Variants in TRMT1 observed in about 807,000 individuals in gnomAD.
TRMT1 encodes the protein tRNA (guanine(26)-N(2))-dimethyltransferase.
Under a neutral mutation model 75.4 loss-of-function variants are expected in TRMT1, and 63 were observed. The observed-to-expected ratio is 0.84, with a 90% CI of 0.68 to 1.03. The LOEUF (loss-of-function observed/expected upper bound fraction) is 1.03. Ranked by LOEUF, TRMT1 falls within the 50% of genes least tolerant of loss-of-function variation. TRMT1 has a pLI of 0.00. For missense variants in TRMT1, 870 were observed against 905.3 expected (o/e 0.96, Z 0.50); for synonymous variants, 382 against 358.1 (o/e 1.07, Z -0.75).
chr19:13,110,486 T>A (rs1298620488), intron 7 of TRMT1, among the ~76,000 whole-genome samples, 180 bp from the exon 8 acceptor site: 1 of 152,232 alleles, frequency 6.6e-6, no homozygotes, highest in Non-Finnish European at 1.5e-5. Flanking sequence ...CCTCAGTTTC[T>A]TCATCTGCAA....
chr19:13,107,856 C>G lies in TRMT1; in HGVS notation c.1401G>C (p.Ser467=). ...CNTPSLLQLR[S]ALLHADFRVS... ...CCCGGAAGTCAGCGTGGAGGAGGGC[C>G]GACCTGGGGAACAGCAGGGATTATG... The change falls in exon 13 of 17, where the codon TCG becomes TCC. Residue 467 remains serine, a synonymous_variant. Coordinates refer to ENST00000357720, the MANE Select transcript of TRMT1 (RefSeq NM_001136035.4). 6.4e-7 allele frequency: 1 copy of G among 1,551,472 alleles called. No individual in the cohort carries two copies. The highest frequency in any genetic ancestry group is 8.7e-7 in the Non-Finnish European group (1 of 1,146,828).
In TRMT1 at chr19:13,107,758, C is replaced by G. The variant is rs755967021; in HGVS notation, c.1499G>C (p.Arg500Pro). The change falls in exon 13 of 17, where the codon CGT becomes CCT. Residue 500 changes from arginine (R) to proline (P), a missense_variant. Coordinates refer to ENST00000357720, the MANE Select transcript of TRMT1 (RefSeq NM_001136035.4). ...APASALWDIM[R>P]CWEKECPVKR... ...GGTCAGCCCTGCCCTCACCCAGCAACGCATGATGTCCCAGAGGGCAGAGGC... is the reference window on the plus strand; with the variant it reads ...GGTCAGCCCTGCCCTCACCCAGCAAGGCATGATGTCCCAGAGGGCAGAGGC... 1 of 1,554,118 alleles carries G rather than the reference C, an allele frequency of 6.4e-7. No homozygotes were observed. The highest frequency in any genetic ancestry group is 2.4e-5 in the East Asian group (1 of 41,086).
At position 13,105,402 on chromosome 19, in the gene TRMT1, C is replaced by G; in HGVS notation, c.1704-6G>C. The G allele has an allele frequency of 6.2e-7, 1 of 1,613,528 alleles. No individual in the cohort carries two copies. Among genetic ancestry groups the G allele is most frequent in the African/African-American group, 1.3e-5 (1 of 75,050 alleles). On this transcript the variant is annotated splice_region_variant and splice_polypyrimidine_tract_variant and intron_variant, in intron 15 of 16. Coordinates refer to ENST00000357720, the MANE Select transcript of TRMT1 (RefSeq NM_001136035.4). ...CTTCGTCGGCCGCCTTGCCCCTGTG[C>G]GAGGGGAGGAGTAGGTGGGACCCCA...
At position 13,110,320 on chromosome 19, in the gene TRMT1, G is replaced by A; in HGVS notation, c.871-14C>T. The A allele has an allele frequency of 1.5e-5, 11 of 712,026 alleles. No individual in the cohort carries two copies. The highest frequency in any genetic ancestry group is 2.2e-5 in the Non-Finnish European group (9 of 404,966). 44.1% of individuals were successfully genotyped at this position (712,026 alleles called of 1,614,324 possible). On this transcript the variant is annotated splice_polypyrimidine_tract_variant and intron_variant, in intron 7 of 16. Transcript: ENST00000357720. ...GATTCTCAGGGCCTGGGGGTGGGGG[G>A]TGGGTGTCAGCCTCCCCTCCACTAT...
rs772910189 is a variant in TRMT1 at position 13,109,396 on chromosome 19, C to T, written c.1382G>A (p.Ser461Asn). The change falls in exon 12 of 17, where the codon AGC (serine) becomes AAC (asparagine). Residue 461 changes from serine to asparagine, a missense_variant. Coordinates refer to ENST00000357720, the MANE Select transcript of TRMT1 (RefSeq NM_001136035.4). ...GGGCTCTTACCGCAACTGCAGGAGG[C>T]TTGGTGTGTTGCAGTGGATGGTGCT... Reference protein sequence around the residue: ...LSSTIHCNTPSLLQLRSALLH... With the variant: ...LSSTIHCNTPNLLQLRSALLH... The T allele has an allele frequency of 8.1e-6, 13 of 1,612,738 alleles. No individual in the cohort carries two copies. The East Asian group carries it at 2.7e-4, about 33-fold the overall frequency.
intron 5 of TRMT1, 43 bp from the exon 6 acceptor site, chr19:13,113,054 T>C: frequency 1.3e-6 from 2 of 1,504,502 alleles, no homozygotes; most frequent in Non-Finnish European, 1.8e-6. Context: ...CCACGCCAGG[T>C]ACCTTCTCTG....
At chr19:13,113,429 G>T (rs543349237) in intron 5 of TRMT1, among the ~76,000 whole-genome samples, 1 of 152,006 alleles carries the variant, frequency 6.6e-6, no homozygotes, top group Non-Finnish European at 1.5e-5. Context: ...CTCCCAAAGT[G>T]CTGAGATTAC....
In TRMT1 at chr19:13,107,791, T is replaced by C. The variant is rs779187694; in HGVS notation, c.1466A>G (p.Asp489Gly). The C allele has an allele frequency of 3.2e-6, 5 of 1,552,586 alleles. No individual in the cohort carries two copies. In the East Asian group the frequency reaches 9.8e-5, roughly 30 times the overall value. Residue 489 changes from aspartate to glycine, a missense_variant, in exon 13 of 17, where the codon GAT becomes GGT. Transcript: ENST00000357720. ...SHACKNAVKT[D>G]APASALWDIM... ...GTCCCAGAGGGCAGAGGCAGGGGCA[T>C]CCGTCTTCACAGCGTTCTTACAGGC...
rs759329844 is a variant in TRMT1 at position 13,109,539 on chromosome 19, C to T, written c.1311+11G>A. 1 of 1,613,906 alleles carries T rather than the reference C, an allele frequency of 6.2e-7. No homozygotes were observed. The highest frequency in any genetic ancestry group is 1.1e-5 in the South Asian group (1 of 91,066). On this transcript the variant is annotated intron_variant, in intron 11 of 16. Coordinates refer to ENST00000357720, the MANE Select transcript of TRMT1 (RefSeq NM_001136035.4). Reference sequence around the variant, plus strand: ...GTGGAGCCCCCTTCCCCGTCACAGCCCGGCTCTCACCTCAGTGATGACGCT... The same window carrying T: ...GTGGAGCCCCCTTCCCCGTCACAGCTCGGCTCTCACCTCAGTGATGACGCT...
Position 13,110,179 on chromosome 19 carries a change from G to A in TRMT1, c.998C>T (p.Ala333Val). Residue 333 changes from alanine (A) to valine (V), a missense_variant, in exon 8 of 17, where the codon GCC becomes GTC. Transcript: ENST00000357720. ...RVFVRVFTGQ[A>V]KVKASASKQA... ...TGACCTGGCTGAGGCCTTGACCTTG[G>A]CCTGGCCGGTGAAGACACGGACAAA... 1.2e-6 allele frequency: 2 copies of A among 1,612,350 alleles called. No homozygotes were observed. The highest frequency in any genetic ancestry group is 1.7e-6 in the Non-Finnish European group (2 of 1,180,018).
intron 14 of TRMT1, 48 bp from the exon 15 acceptor site, chr19:13,105,654 GAGTGT>G (rs1599921467): frequency 6.4e-7 from 1 of 1,558,050 alleles, no homozygotes. Context: ...GCTGCCACAC[GAGTGT>G]GTCCCCACTC....
intron 14 of TRMT1, among the ~76,000 whole-genome samples, chr19:13,107,278 G>C (rs900148924): frequency 3.3e-5 from 5 of 152,016 alleles, no homozygotes; most frequent in African/African-American, 1.2e-4. Context: ...GGGATTACAG[G>C]CACCCACCAC....
chr19:13,115,937 C>G, intron 3 of TRMT1, 60 bp downstream of exon 3: 1 of 1,613,106 alleles, frequency 6.2e-7, no homozygotes, highest in Non-Finnish European at 8.5e-7. Flanking sequence ...GCAGAAGAGC[C>G]CAGGCAGGGA....
chr19:13,109,992 C>T lies in TRMT1; in HGVS notation c.1029G>A (p.Ala343=), dbSNP rs1250472488. Residue 343 remains alanine (A), a synonymous_variant, in exon 9 of 17, where the codon GCG becomes GCA. Coordinates refer to ENST00000357720, the MANE Select transcript of TRMT1 (RefSeq NM_001136035.4). ...CGCAGCCCACACACTGGAACACCAG[C>T]GCCTGCTTGCTGTGGGGGGTACCAG... The part of the protein sequence containing the change: ...AKVKASASKQ[A]LVFQCVGCGA... The T allele has an allele frequency of 4.3e-6, 7 of 1,613,222 alleles. No homozygotes were observed. Among genetic ancestry groups the T allele is most frequent in the South Asian group, 2.2e-5 (2 of 91,080 alleles).
intron 2 of TRMT1, 33 bp from the exon 3 acceptor site, chr19:13,116,085 G>C: frequency 6.2e-7 from 1 of 1,612,640 alleles, no homozygotes; most frequent in South Asian, 1.1e-5. Flanking sequence ...CTCATACCCC[G>C]CCCCCGCCAT....
At chr19:13,115,513 T>A in intron 4 of TRMT1, 47 bp from the exon 5 acceptor site, 2 of 1,599,074 alleles carry the variant, frequency 1.3e-6, no homozygotes, top group Non-Finnish European at 1.7e-6. Context: ...ACCTCCATCC[T>A]CTTCTGGGCC....
intron 5 of TRMT1, among the ~76,000 whole-genome samples, chr19:13,114,572 G>T: frequency 6.6e-6 from 1 of 152,208 alleles, no homozygotes; most frequent in East Asian, 1.9e-4. Context: ...TAAGGCAGGA[G>T]AATCACTTGA....
chr19:13,107,645 C>T lies in TRMT1; in HGVS notation c.1512G>A (p.Lys504=). Residue 504 remains lysine (K), a synonymous_variant, in exon 14 of 17, where the codon AAG becomes AAA. Transcript: ENST00000357720. ...ALWDIMRCWE[K]ECPVKRERLS... ...GTCGCTCCCGTTTCACCGGACATTC[C>T]TTCTCCTGGGGGCAGAGGTCAGAGG... 1 of 1,606,078 alleles carries T rather than the reference C, an allele frequency of 6.2e-7. No individual in the cohort carries two copies. The highest frequency in any genetic ancestry group is 8.5e-7 in the Non-Finnish European group (1 of 1,175,496).
chr19:13,111,336 ACTCAGCCTT>A, intron 7 of TRMT1, among the ~76,000 whole-genome samples: 1 of 150,120 alleles, frequency 6.7e-6, no homozygotes, highest in East Asian at 2.0e-4. Flanking sequence ...GCACTTCGCC[ACTCAGCCTT>A]CTTGAATCCT....
Sources: gnomAD v4.1 joint callset for allele counts (sites outside exome capture counted in the v4.1 genomes callset) on GRCh38, gnomAD v4.1.1 for gene constraint, MANE v1.5 for transcripts, NCBI Gene and HGNC (gene_info 2026-07-23, HGNC 2026-07-21) for gene names.